Variants in NEGR1 observed in about 807,000 individuals in gnomAD.
NEGR1 encodes the protein IgLON family member 4.
In NEGR1, 10 loss-of-function variants were observed where a neutral mutation model predicts 40.9. That is an observed-to-expected ratio of 0.24 (90% CI 0.15 to 0.42). The LOEUF (loss-of-function observed/expected upper bound fraction) is 0.42. NEGR1 is among the 10% of genes least tolerant of loss of function. The probability of loss-of-function intolerance (pLI) is 1.00; values close to 1 mark genes in which losing one functional copy is unlikely to be tolerated. For missense variants in NEGR1, 352 were observed against 438.9 expected (o/e 0.80, Z 1.77); for synonymous variants, 185 against 166.8 (o/e 1.11, Z -0.84).
At chr1:72,201,051 A>G (rs1006102616) in intron 1 of NEGR1, among the ~76,000 whole-genome samples, 1 of 151,820 alleles carries the variant, frequency 6.6e-6, no homozygotes, top group Non-Finnish European at 1.5e-5. Flanking sequence ...TGGGTAATGT[A>G]GACTCTACTC....
chr1:72,171,335 C>G (rs1047937080), intron 1 of NEGR1, among the ~76,000 whole-genome samples: 2 of 152,074 alleles, frequency 1.3e-5, no homozygotes, highest in Non-Finnish European at 2.9e-5. Flanking sequence ...CATGGAACAT[C>G]AAAAATCTAC....
At chr1:72,254,393 C>A (rs1655196248) in intron 1 of NEGR1, among the ~76,000 whole-genome samples, 1 of 152,080 alleles carries the variant, frequency 6.6e-6, no homozygotes, top group Admixed American at 6.6e-5. Flanking sequence ...GCTCCCACTT[C>A]ATGTACACAT....
chr1:72,177,370 T>A (rs1002963745), intron 1 of NEGR1, among the ~76,000 whole-genome samples: 16 of 152,170 alleles, frequency 1.1e-4, no homozygotes, highest in African/African-American at 3.1e-4. Flanking sequence ...TGGCTCCAAC[T>A]GAGAATCACA....
At position 72,087,751 on chromosome 1, in the gene NEGR1, C is replaced by CTTT. The variant is rs1194408394; in HGVS notation, c.177-152443_177-152441dup. ...GGGACAACAGGTGTGTGCCACTGTGCTTTTTTTTTTTTTTTTTTTTTTAAT... is the reference window on the plus strand; with the variant it reads ...GGGACAACAGGTGTGTGCCACTGTGCTTTTTTTTTTTTTTTTTTTTTTTTTAAT... On this transcript the variant is annotated intron_variant, in intron 1 of 6. Coordinates refer to ENST00000357731, the MANE Select transcript of NEGR1 (RefSeq NM_173808.3). Among the ~76,000 whole-genome samples, 811 of 95,040 alleles carry CTTT rather than the reference C, an allele frequency of 8.5e-3. 30 individuals carry two copies. The highest frequency in any genetic ancestry group is 0.031 in the African/African-American group (758 of 24,798). 62.3% of individuals were successfully genotyped at this position (95,040 alleles called of 152,430 possible).
intron 2 of NEGR1, among the ~76,000 whole-genome samples, chr1:71,847,404 G>A (rs1221895711): frequency 3.9e-5 from 6 of 152,188 alleles, no homozygotes; most frequent in Middle Eastern, 3.4e-3. Context: ...GAGTCTATCA[G>A]CACCATTTTT....
chr1:71,695,759 A>C (rs1433880614), intron 4 of NEGR1, among the ~76,000 whole-genome samples: 1 of 151,814 alleles, frequency 6.6e-6, no homozygotes, highest in Non-Finnish European at 1.5e-5. Context: ...TTTTGTTCCT[A>C]TCTTTTCAGT....
At chr1:71,942,452 A>AAAATATATAT (rs1645968051) in intron 1 of NEGR1, among the ~76,000 whole-genome samples, 3 of 34,262 alleles carry the variant, frequency 8.8e-5, no homozygotes, top group Non-Finnish European at 1.1e-4. Flanking sequence ...AAATTCTTTA[A>AAAATATATAT]ATCTATATAT....
chr1:71,990,869 A>C (rs921647314), intron 1 of NEGR1, among the ~76,000 whole-genome samples: 6 of 151,622 alleles, frequency 4.0e-5, no homozygotes, highest in African/African-American at 1.5e-4. Context: ...ATTTCTTAAT[A>C]ATGACTCTCC....
chr1:72,153,068 AT>A (rs1321619252), intron 1 of NEGR1, among the ~76,000 whole-genome samples: 1 of 151,956 alleles, frequency 6.6e-6, no homozygotes, highest in Non-Finnish European at 1.5e-5. Flanking sequence ...AAACCTCAGC[AT>A]CATGCATTGT....
chr1:71,820,786 C>T lies in NEGR1; in HGVS notation c.410-44489G>A, dbSNP rs531849267. On this transcript the variant is annotated intron_variant, in intron 2 of 6. Coordinates refer to ENST00000357731, the MANE Select transcript of NEGR1 (RefSeq NM_173808.3). ...CAACAAAGATAGCGAATCAAAATCA[C>T]TATTTAATCCTGGGAGTGGGAGATG... Among the ~76,000 whole-genome samples, 4 of 152,072 alleles carry T rather than the reference C, an allele frequency of 2.6e-5. No homozygotes were observed. In the South Asian group the frequency reaches 8.3e-4, roughly 32 times the overall value.
intron 1 of NEGR1, among the ~76,000 whole-genome samples, chr1:72,156,806 A>C (rs1243460168): frequency 2.0e-5 from 3 of 152,250 alleles, no homozygotes; most frequent in Middle Eastern, 3.4e-3. Flanking sequence ...TTGAACACAA[A>C]ATTTTTTGTA....
intron 3 of NEGR1, among the ~76,000 whole-genome samples, chr1:71,706,419 C>A (rs1653901317): frequency 6.6e-6 from 1 of 151,982 alleles, no homozygotes; most frequent in African/African-American, 2.4e-5. Context: ...ATAAGGACTG[C>A]AACTCTTAGG....
At chr1:71,839,221 T>A (rs1284267152) in intron 2 of NEGR1, among the ~76,000 whole-genome samples, 3 of 55,156 alleles carry the variant, frequency 5.4e-5, no homozygotes, top group African/African-American at 1.9e-4. Context: ...TTTTTTTTTT[T>A]AAGACAGAGT....
At chr1:72,111,626 A>T (rs891601274) in intron 1 of NEGR1, among the ~76,000 whole-genome samples, 7 of 151,830 alleles carry the variant, frequency 4.6e-5, no homozygotes, top group Non-Finnish European at 8.8e-5. Context: ...TGACTAAGAT[A>T]AAAAACACTT....
At chr1:72,180,470 T>C (rs567265168) in intron 1 of NEGR1, among the ~76,000 whole-genome samples, 3 of 149,760 alleles carry the variant, frequency 2.0e-5, no homozygotes, top group Non-Finnish European at 4.5e-5. Context: ...ATAAATAGAA[T>C]TACAAAAACT....
At chr1:72,026,588 A>G (rs1277790536) in intron 1 of NEGR1, among the ~76,000 whole-genome samples, 1 of 152,108 alleles carries the variant, frequency 6.6e-6, no homozygotes, top group East Asian at 1.9e-4. Context: ...CTTATCTCCA[A>G]TATAGTCTTC....
intron 3 of NEGR1, among the ~76,000 whole-genome samples, chr1:71,737,529 A>T (rs1442735358): frequency 1.3e-5 from 2 of 152,186 alleles, no homozygotes; most frequent in Non-Finnish European, 2.9e-5. Flanking sequence ...TCTTGCCATT[A>T]GTTTAAAGAA....
chr1:72,011,263 T>C (rs1274903402), intron 1 of NEGR1, among the ~76,000 whole-genome samples: 27 of 152,012 alleles, frequency 1.8e-4, no homozygotes, highest in Admixed American at 1.7e-3. Context: ...GTCTAAGAAG[T>C]TCATTACCAG....
intron 1 of NEGR1, among the ~76,000 whole-genome samples, chr1:72,093,318 A>G (rs2100547248): frequency 7.2e-6 from 1 of 139,428 alleles, no homozygotes; most frequent in East Asian, 2.1e-4. Context: ...TGCCAGAGCT[A>G]GACTCTGCCT....
Sources: gnomAD v4.1 joint callset for allele counts (sites outside exome capture counted in the v4.1 genomes callset) on GRCh38, gnomAD v4.1.1 for gene constraint, MANE v1.5 for transcripts, NCBI Gene and HGNC (gene_info 2026-07-23, HGNC 2026-07-21) for gene names.